LYST: variants seen among roughly 807,000 people sequenced by gnomAD.
LYST encodes the protein lysosomal trafficking regulator.
Under a neutral mutation model 413.6 loss-of-function variants are expected in LYST, and 192 were observed. That is an observed-to-expected ratio of 0.46 (90% CI 0.41 to 0.52). The LOEUF is 0.52. LYST is among the 20% of genes least tolerant of loss of function. The pLI is 0.00. For synonymous variants in LYST, 1,525 were observed against 1,567.3 expected, an observed-to-expected ratio of 0.97 and a Z score of 0.64; for missense variants, 3,815 against 4,499.9, an observed-to-expected ratio of 0.85 and a Z score of 4.35.
intron 28 of LYST, among the ~76,000 whole-genome samples, chr1:235,748,900 G>A (rs1159362723): frequency 6.6e-6 from 1 of 152,176 alleles, no homozygotes; most frequent in Non-Finnish European, 1.5e-5. Context: ...TGCAGCTGCT[G>A]GCAGTCCCCA....
chr1:235,673,115 T>C (rs928040696), intron 50 of LYST, among the ~76,000 whole-genome samples: 3 of 152,212 alleles, frequency 2.0e-5, no homozygotes, highest in African/African-American at 4.8e-5. Flanking sequence ...AGACCCATTA[T>C]ACCCGAGTCA....
At chr1:235,778,863 GTCTTTTT>G (rs1338538425) in intron 16 of LYST, among the ~76,000 whole-genome samples, 2 of 150,836 alleles carry the variant, frequency 1.3e-5, no homozygotes, top group African/African-American at 4.9e-5. Context: ...ACCATTTCTT[GTCTTTTT>G]TCTTTTTTTT....
chr1:235,695,871 G>A (rs1012995051), intron 46 of LYST, among the ~76,000 whole-genome samples: 7 of 151,962 alleles, frequency 4.6e-5, no homozygotes, highest in African/African-American at 1.4e-4. Context: ...TCCTGACTTC[G>A]TGATCTGCCC....
chr1:235,875,786 A>C (rs1271772010), intron 1 of LYST, among the ~76,000 whole-genome samples: 2 of 152,168 alleles, frequency 1.3e-5, no homozygotes, highest in Non-Finnish European at 2.9e-5. Context: ...TGAGGCTTGC[A>C]GTGAGGTATG....
intron 29 of LYST, 150 bp from the exon 30 acceptor site, chr1:235,744,307 A>T (rs1040484711): frequency 1.7e-6 from 1 of 597,936 alleles, no homozygotes; most frequent in African/African-American, 1.9e-5. Flanking sequence ...GATGTAATAG[A>T]TACAATGTAG....
At chr1:235,732,436 A>G (rs1344845998) in intron 34 of LYST, among the ~76,000 whole-genome samples, 1 of 152,074 alleles carries the variant, frequency 6.6e-6, no homozygotes, top group African/African-American at 2.4e-5. Flanking sequence ...CCAAAGTACT[A>G]GACTACAGGT....
chr1:235,817,200 T>A (rs1308637947), intron 3 of LYST, among the ~76,000 whole-genome samples: 1 of 150,890 alleles, frequency 6.6e-6, no homozygotes, highest in Non-Finnish European at 1.5e-5. Context: ...GGATGGCTAT[T>A]AAAAATGAAA....
upstream of LYST, among the ~76,000 whole-genome samples, chr1:235,870,475 C>T (rs1163940477): frequency 1.3e-5 from 2 of 152,210 alleles, no homozygotes; most frequent in African/African-American, 2.4e-5. Context: ...AATCTCCCAC[C>T]GTGTGGCTGC....
At chr1:235,740,012 A>G (rs567771426) in intron 31 of LYST, among the ~76,000 whole-genome samples, 1 of 152,348 alleles carries the variant, frequency 6.6e-6, no homozygotes, top group East Asian at 1.9e-4. Context: ...TTTGATGGAT[A>G]GCAACTTTGC....
chr1:235,683,229 C>T (rs567152475), intron 48 of LYST, among the ~76,000 whole-genome samples: 19 of 152,284 alleles, frequency 1.2e-4, no homozygotes, highest in Admixed American at 2.6e-4. Flanking sequence ...TAACTTCCAG[C>T]GGGTCGAGCA....
chr1:235,774,629 T>C (rs1019394318), intron 18 of LYST, among the ~76,000 whole-genome samples: 11 of 152,144 alleles, frequency 7.2e-5, no homozygotes, highest in Non-Finnish European at 1.2e-4. Flanking sequence ...ATCTACAGAA[T>C]GAAGGGACAG....
chr1:235,670,547 AT>A (rs1033468222), intron 50 of LYST, among the ~76,000 whole-genome samples: 3 of 152,176 alleles, frequency 2.0e-5, no homozygotes, highest in Non-Finnish European at 2.9e-5. Flanking sequence ...AGAATGAGGG[AT>A]TGAGACCCAC....
intron 20 of LYST, among the ~76,000 whole-genome samples, chr1:235,767,347 C>T (rs1668245486): frequency 6.6e-6 from 1 of 152,022 alleles, no homozygotes; most frequent in African/African-American, 2.4e-5. Context: ...GTTCGACTAC[C>T]TCAGATTTAA....
rs1276928760 is a variant in LYST, at chr1:235,857,780, C to CAT, written c.-98+9062_-98+9063insAT. ...ACACACACACACACACACACACACACACACATATATATATAAAATTTCACA... is the reference window on the plus strand; with the variant it reads ...ACACACACACACACACACACACACACATACACATATATATATAAAATTTCACA... On this transcript the variant is annotated intron_variant, in intron 1 of 52. Coordinates refer to ENST00000389793, the MANE Select transcript of LYST (RefSeq NM_000081.4). Among the ~76,000 whole-genome samples the CAT allele has an allele frequency of 4.1e-3, 560 of 135,890 alleles. 3 individuals are homozygous for CAT. The highest frequency in any genetic ancestry group is 5.5e-3 in the Non-Finnish European group (348 of 62,770). 89.1% of individuals were successfully genotyped at this position (135,890 alleles called of 152,430 possible).
Position 235,664,327 on chromosome 1 carries a change from C to A in LYST, c.11195+138G>T. The A allele has an allele frequency of 1.3e-6, 1 of 796,086 alleles. No individual in the cohort carries two copies. Among genetic ancestry groups the A allele is most frequent in the Non-Finnish European group, 2.0e-6 (1 of 499,332 alleles). The allele number at this position is 796,086 out of a possible 1,614,324, so 49.3% of individuals were successfully genotyped here. A position where few individuals can be genotyped will look rare whatever the true frequency, so the allele number is the denominator to read the frequency against. On this transcript the variant is annotated intron_variant, in intron 51 of 52. Coordinates refer to ENST00000389793, the MANE Select transcript of LYST (RefSeq NM_000081.4). This position sits in a 1 kb window ranked among gnomAD's most constrained non-coding sequence, Gnocchi z 4.5. ...TTATTTAGAAATAAAACAGGAATAA[C>A]TAAAGAACCTACACCCCAAGGTGAG...
intron 11 of LYST, 110 bp from the exon 12 acceptor site, chr1:235,792,235 A>G (rs894461297): frequency 1.3e-5 from 9 of 704,418 alleles, no homozygotes; most frequent in African/African-American, 1.8e-5. Context: ...ACATATCAGC[A>G]TTCCTATTTA....
chr1:235,832,889 C>T (rs1338318988), intron 2 of LYST, among the ~76,000 whole-genome samples: 4 of 151,930 alleles, frequency 2.6e-5, no homozygotes, highest in African/African-American at 4.8e-5. Flanking sequence ...TTTTGTTTTC[C>T]GTAACATATT....
chr1:235,746,314 C>G, intron 29 of LYST, 22 bp downstream of exon 29: 1 of 1,606,362 alleles, frequency 6.2e-7, no homozygotes, highest in Non-Finnish European at 8.5e-7. Flanking sequence ...TGAGGAAAAA[C>G]AAACTAATCC....
intron 38 of LYST, among the ~76,000 whole-genome samples, chr1:235,726,652 T>C (rs953086104): frequency 6.6e-6 from 1 of 152,068 alleles, no homozygotes; most frequent in African/African-American, 2.4e-5. Flanking sequence ...CATTTTTAGA[T>C]TTGAAAAAAA....
Sources: gnomAD v4.1 joint callset for allele counts (sites outside exome capture counted in the v4.1 genomes callset) on GRCh38, gnomAD v4.1.1 for gene constraint, Gnocchi (gnomAD v3.1) non-coding constraint, MANE v1.5 for transcripts, NCBI Gene and HGNC (gene_info 2026-07-23, HGNC 2026-07-21) for gene names.